SLMAP: variants seen among roughly 807,000 people sequenced by gnomAD.
The protein encoded by SLMAP is sarcolemmal membrane-associated protein.
SLMAP carries 44 observed loss-of-function variants against 128.8 expected under a neutral mutation model. The observed-to-expected ratio is 0.34, with a 90% CI of 0.27 to 0.44. The LOEUF (loss-of-function observed/expected upper bound fraction) is 0.44. Ranked by LOEUF, SLMAP falls within the 20% of genes least tolerant of loss-of-function variation. The pLI is 1.00. For missense variants in SLMAP, 787 were observed against 985.3 expected (o/e 0.80, Z 2.69); for synonymous variants, 327 against 348.8 (o/e 0.94, Z 0.70).
At chr3:57,763,861 A>C (rs1460221400) in intron 2 of SLMAP, among the ~76,000 whole-genome samples, 1 of 152,102 alleles carries the variant, frequency 6.6e-6, no homozygotes, top group Non-Finnish European at 1.5e-5. Context: ...GGGGATGAGG[A>C]TGGAATAAAA....
intron 2 of SLMAP, among the ~76,000 whole-genome samples, chr3:57,777,186 A>G (rs1382996759): frequency 6.6e-6 from 1 of 152,042 alleles, no homozygotes; most frequent in Admixed American, 6.6e-5. Context: ...CCAGCAGGGC[A>G]CATGTATACA....
At chr3:57,866,655 A>G (rs895107189) in intron 13 of SLMAP, among the ~76,000 whole-genome samples, 1 of 152,188 alleles carries the variant, frequency 6.6e-6, no homozygotes, top group African/African-American at 2.4e-5. Context: ...ATTGCGATCA[A>G]GCAGATCGCT....
intron 17 of SLMAP, among the ~76,000 whole-genome samples, chr3:57,905,400 G>C (rs907636535): frequency 6.6e-6 from 1 of 151,996 alleles, no homozygotes; most frequent in Non-Finnish European, 1.5e-5. Flanking sequence ...TCCTGCCTCA[G>C]CCTCCCAAGT....
In SLMAP at chr3:57,916,937, G is replaced by T. The variant is rs772065161; in HGVS notation, c.2170G>T (p.Asp724Tyr). 1.2e-6 allele frequency: 2 copies of T among 1,613,876 alleles called. No homozygotes were observed. The highest frequency in any genetic ancestry group is 1.7e-5 in the Admixed American group (1 of 60,012). The change falls in exon 22 of 25, where the codon GAT becomes TAT. Residue 724 changes from aspartate (D) to tyrosine (Y), a missense_variant. Physicochemically the swap from Asp to Tyr is radical, Grantham distance 160 (BLOSUM62 -3). Coordinates refer to ENST00000671191, the MANE Select transcript of SLMAP (RefSeq NM_001377540.1). ...SQKQSLELTSDLSILQMSRKE... is the reference protein window; with the variant it reads ...SQKQSLELTSYLSILQMSRKE... ...GAAGCAGAGTTTAGAGCTTACCAGTGATCTCAGCATCCTTCAAATGTCTAG... is the reference window on the plus strand; with the variant it reads ...GAAGCAGAGTTTAGAGCTTACCAGTTATCTCAGCATCCTTCAAATGTCTAG...
At chr3:57,815,289 A>C (rs536377155) in intron 2 of SLMAP, among the ~76,000 whole-genome samples, 1 of 152,078 alleles carries the variant, frequency 6.6e-6, no homozygotes, top group Admixed American at 6.5e-5. Context: ...TGTGCGGCCC[A>C]TTTCCTAACA....
At chr3:57,855,735 A>AAAC (rs1168348588) in intron 6 of SLMAP, among the ~76,000 whole-genome samples, 4 of 151,068 alleles carry the variant, frequency 2.6e-5, no homozygotes, top group Non-Finnish European at 5.9e-5. Flanking sequence ...ACAAAAAAAA[A>AAAC]AACTTTAAAT....
intron 2 of SLMAP, among the ~76,000 whole-genome samples, chr3:57,773,884 T>C (rs377026153): frequency 6.6e-5 from 10 of 152,222 alleles, no homozygotes; most frequent in African/African-American, 2.4e-4. Flanking sequence ...AAGACTGCAC[T>C]TGTGTGCATT....
intron 3 of SLMAP, among the ~76,000 whole-genome samples, chr3:57,835,987 T>C (rs1364067020): frequency 6.6e-6 from 1 of 152,158 alleles, no homozygotes; most frequent in Non-Finnish European, 1.5e-5. Flanking sequence ...GTGTGTATCA[T>C]ACTAAAAACA....
chr3:57,845,469 CTATTTT>C (rs1577471219), intron 4 of SLMAP, among the ~76,000 whole-genome samples: 1 of 152,172 alleles, frequency 6.6e-6, no homozygotes, highest in East Asian at 1.9e-4. Context: ...AAAATTATTC[CTATTTT>C]TAACTCACAT....
intron 4 of SLMAP, among the ~76,000 whole-genome samples, chr3:57,845,375 C>T (rs1174963153): frequency 6.6e-6 from 1 of 152,128 alleles, no homozygotes; most frequent in East Asian, 1.9e-4. Context: ...AGTTAATATT[C>T]CATTTTATTC....
intron 10 of SLMAP, among the ~76,000 whole-genome samples, chr3:57,862,855 T>C (rs2095150893): frequency 6.6e-6 from 1 of 152,224 alleles, no homozygotes; most frequent in Admixed American, 6.5e-5. Context: ...AGTTGAAATT[T>C]ATAGTGAAAA....
chr3:57,790,268 T>C (rs765895683), intron 2 of SLMAP, among the ~76,000 whole-genome samples: 1 of 152,232 alleles, frequency 6.6e-6, no homozygotes, highest in African/African-American at 2.4e-5. Context: ...TACATTCAGC[T>C]CTTACTATGT....
chr3:57,860,893 C>G, intron 9 of SLMAP, 54 bp downstream of exon 9: 1 of 1,403,816 alleles, frequency 7.1e-7, no homozygotes, highest in Admixed American at 2.5e-5. Context: ...TCAAAAAAAT[C>G]TCAAGCATTC....
intron 6 of SLMAP, among the ~76,000 whole-genome samples, chr3:57,856,196 C>A (rs750069549): frequency 6.6e-6 from 1 of 152,042 alleles, no homozygotes; most frequent in South Asian, 2.1e-4. Flanking sequence ...GCACTCCAGC[C>A]TGGGTGACAG....
At chr3:57,808,559 T>G (rs1156919949) in intron 2 of SLMAP, among the ~76,000 whole-genome samples, 3 of 152,172 alleles carry the variant, frequency 2.0e-5, no homozygotes, top group African/African-American at 7.2e-5. Context: ...TGCAGTTGTG[T>G]GGTTTTTAGT....
chr3:57,859,504 A>G (rs1041778001), intron 8 of SLMAP, among the ~76,000 whole-genome samples: 2 of 152,148 alleles, frequency 1.3e-5, no homozygotes, highest in African/African-American at 2.4e-5. Context: ...ACAGTGAGTT[A>G]TGATCGCAGA....
At chr3:57,924,115 A>G (rs2096961289) in intron 23 of SLMAP, among the ~76,000 whole-genome samples, 1 of 152,214 alleles carries the variant, frequency 6.6e-6, no homozygotes, top group African/African-American at 2.4e-5. Flanking sequence ...TTAACCCATG[A>G]AGACATCTAG....
chr3:57,784,293 A>G (rs1559973040), intron 2 of SLMAP, among the ~76,000 whole-genome samples: 1 of 152,148 alleles, frequency 6.6e-6, no homozygotes, highest in African/African-American at 2.4e-5. Flanking sequence ...TAGGAAAGCT[A>G]TAGAGGTAGG....
At chr3:57,781,729 A>ATTTTTTTTT (rs748021832) in intron 2 of SLMAP, among the ~76,000 whole-genome samples, 12 of 109,146 alleles carry the variant, frequency 1.1e-4, no homozygotes, top group Admixed American at 1.2e-4. Context: ...ATATTGACTG[A>ATTTTTTTTT]TTTTTTTTTT....
Sources: allele counts gnomAD v4.1 joint callset (sites outside exome capture counted in the v4.1 genomes callset), GRCh38; gene constraint gnomAD v4.1.1; transcripts MANE v1.5; gene names NCBI Gene and HGNC (gene_info 2026-07-23, HGNC 2026-07-21).